ANK2: variants seen among roughly 807,000 people sequenced by gnomAD.
ANK2 encodes the protein ankyrin 2.
In ANK2, 83 loss-of-function variants were observed where a neutral mutation model predicts 360.5. That is an observed-to-expected ratio of 0.23 (90% confidence interval 0.19 to 0.28). The LOEUF is 0.28. Among genes scored for constraint, ANK2 ranks in the 10% least tolerant of loss-of-function variants. The pLI, the probability that ANK2 is intolerant of heterozygous loss-of-function variation, is 1.00. For synonymous variants in ANK2, 1,740 were observed against 1,759.5 expected (o/e 0.99, Z 0.28); for missense variants, 4,201 against 4,795.7 (o/e 0.88, Z 3.66).
At chr4:113,013,797 G>A (rs2154293538) in intron 2 of ANK2, among the ~76,000 whole-genome samples, 1 of 152,232 alleles carries the variant, frequency 6.6e-6, no homozygotes, top group East Asian at 1.9e-4. Context: ...TAGTCTTAAA[G>A]TCAAAAGCCT....
chr4:113,367,446 A>G, intron 41 of ANK2, 120 bp from the exon 42 acceptor site: 3 of 916,656 alleles, frequency 3.3e-6, no homozygotes, highest in Admixed American at 2.2e-5. Flanking sequence ...CCATGGGCCC[A>G]TCTCAGGATG....
intron 2 of ANK2, among the ~76,000 whole-genome samples, chr4:113,028,079 T>A (rs2059645966): frequency 1.3e-5 from 2 of 152,026 alleles, no homozygotes; most frequent in Admixed American, 1.3e-4. Flanking sequence ...ACACACACTG[T>A]GGATTTTGCC....
chr4:112,921,715 T>C (rs2091584510), intron 2 of ANK2, among the ~76,000 whole-genome samples: 1 of 152,162 alleles, frequency 6.6e-6, no homozygotes, highest in Non-Finnish European at 1.5e-5. Context: ...TCCACTATTT[T>C]TTCCTGTGTT....
At chr4:112,899,957 T>A (rs1190693291) in intron 1 of ANK2, among the ~76,000 whole-genome samples, 1 of 152,120 alleles carries the variant, frequency 6.6e-6, no homozygotes, top group Non-Finnish European at 1.5e-5. Context: ...CATCTCTCCA[T>A]ATAGACCAAA....
intron 22 of ANK2, among the ~76,000 whole-genome samples, chr4:113,297,484 T>A (rs1242824248): frequency 2.0e-5 from 3 of 152,152 alleles, no homozygotes; most frequent in Non-Finnish European, 4.4e-5. Context: ...CCTGATTTGA[T>A]CATTATACTT....
intron 26 of ANK2, among the ~76,000 whole-genome samples, chr4:113,326,145 T>C (rs1246291867): frequency 1.3e-5 from 2 of 152,208 alleles, no homozygotes; most frequent in Non-Finnish European, 2.9e-5. Flanking sequence ...ACAATTTTTT[T>C]TATGCTTATT....
the ANK2 span, among the ~76,000 whole-genome samples, chr4:112,717,289 C>CT: frequency 6.6e-6 from 1 of 151,922 alleles, no homozygotes; most frequent in African/African-American, 2.4e-5. Context: ...CTTGTGTGAC[C>CT]TTTTTTTTCT....
intron 2 of ANK2, among the ~76,000 whole-genome samples, chr4:112,984,899 C>T (rs115263253): frequency 0.021 from 3,157 of 152,284 alleles, 60 homozygotes; most frequent in African/African-American, 0.052. Flanking sequence ...ATAAACTGAG[C>T]TCAGTGGACT....
chr4:112,999,358 A>G (rs1053297315), intron 2 of ANK2, among the ~76,000 whole-genome samples: 1 of 152,166 alleles, frequency 6.6e-6, no homozygotes, highest in Non-Finnish European at 1.5e-5. Flanking sequence ...CATTCTGCAG[A>G]GTAGACAAGC....
chr4:113,085,558 C>T (rs958148854), intron 1 of ANK2, among the ~76,000 whole-genome samples: 5 of 152,088 alleles, frequency 3.3e-5, no homozygotes, highest in African/African-American at 9.7e-5. Context: ...CCACCTGCCT[C>T]GGCCTCCCAA....
chr4:113,121,770 G>T (rs183273036), intron 1 of ANK2, among the ~76,000 whole-genome samples: 7 of 152,032 alleles, frequency 4.6e-5, no homozygotes, highest in Non-Finnish European at 7.4e-5. Flanking sequence ...CACAGTAAAA[G>T]GTTCTGATTA....
In ANK2 at chr4:113,364,660, A is replaced by G. The variant is rs564328110; in HGVS notation, c.10889-379A>G. ...TCTTCTAAGTAGAATTGTCAGATTT[A>G]GCAAATAAAAACAGAAGGGTGCCCA... On this transcript the variant is annotated intron_variant, in intron 40 of 45. Coordinates refer to ENST00000357077, the MANE Select transcript of ANK2 (RefSeq NM_001148.6). 3.0e-3 allele frequency among the ~76,000 whole-genome samples: 463 copies of G among 152,344 alleles called. 4 individuals carry two copies. Among genetic ancestry groups the G allele is most frequent in the African/African-American group, 0.011 (449 of 41,576 alleles).
At chr4:113,367,944 A>G in intron 42 of ANK2, 93 bp downstream of exon 42, 1 of 1,474,032 alleles carries the variant, frequency 6.8e-7, no homozygotes, top group Non-Finnish European at 9.4e-7. Context: ...GTTTTTAAAT[A>G]CTTTTTAAAA....
chr4:112,735,012 A>C, the ANK2 span, among the ~76,000 whole-genome samples: 1 of 152,248 alleles, frequency 6.6e-6, no homozygotes, highest in Non-Finnish European at 1.5e-5. Flanking sequence ...TAAAAAGTTC[A>C]TTCCCTAGAG....
chr4:113,168,502 G>A (rs780575659), intron 1 of ANK2, among the ~76,000 whole-genome samples: 2 of 152,124 alleles, frequency 1.3e-5, no homozygotes, highest in Non-Finnish European at 2.9e-5. Context: ...GAAGATTAGG[G>A]GACCTGTCAG....
intron 1 of ANK2, among the ~76,000 whole-genome samples, chr4:113,095,762 T>C (rs935776380): frequency 2.0e-5 from 3 of 152,236 alleles, no homozygotes; most frequent in African/African-American, 4.8e-5. Flanking sequence ...TAAATACATT[T>C]GTACTCTACA....
intron 2 of ANK2, among the ~76,000 whole-genome samples, chr4:113,027,691 A>T (rs1384149236): frequency 2.0e-5 from 3 of 152,158 alleles, no homozygotes; most frequent in Admixed American, 6.6e-5. Context: ...AAATTTAAAT[A>T]TTCCTGCTGG....
intron 1 of ANK2, among the ~76,000 whole-genome samples, chr4:113,129,824 A>G (rs1478727249): frequency 1.3e-5 from 2 of 152,132 alleles, no homozygotes; most frequent in Non-Finnish European, 2.9e-5. Flanking sequence ...AAATAAACTT[A>G]AAAGACCCTT....
At chr4:113,323,000 G>C (rs984407836) in intron 26 of ANK2, among the ~76,000 whole-genome samples, 2 of 151,926 alleles carry the variant, frequency 1.3e-5, no homozygotes, top group African/African-American at 2.4e-5. Context: ...TTGGATTTCC[G>C]GTCCATTAAG....
Sources: allele counts gnomAD v4.1 joint callset (sites outside exome capture counted in the v4.1 genomes callset), GRCh38; gene constraint gnomAD v4.1.1; transcripts MANE v1.5; gene names NCBI Gene and HGNC (gene_info 2026-07-23, HGNC 2026-07-21).